Variants in MDN1 observed in about 807,000 individuals in gnomAD.
The protein encoded by MDN1 is midasin.
MDN1 carries 266 observed loss-of-function variants against 669.2 expected under a neutral mutation model. That is an observed-to-expected ratio of 0.40 (90% confidence interval 0.36 to 0.44). The LOEUF is 0.44. Among genes scored for constraint, MDN1 ranks in the 20% least tolerant of loss-of-function variants. MDN1 has a pLI of 1.00. For synonymous variants in MDN1, 2,385 were observed against 2,457.1 expected, an observed-to-expected ratio of 0.97 and a Z score of 0.87; for missense variants, 5,940 against 6,754.0, an observed-to-expected ratio of 0.88 and a Z score of 4.22.
At chr6:89,789,114 A>C (rs1819119477) in intron 7 of MDN1, among the ~76,000 whole-genome samples, 1 of 139,346 alleles carries the variant, frequency 7.2e-6, no homozygotes, top group Admixed American at 7.7e-5. Flanking sequence ...ACAGAGCAAG[A>C]CTCTGTCTCA....
In MDN1 at chr6:89,684,975, G is replaced by A; in HGVS notation, c.11730C>T (p.Cys3910=). Residue 3910 remains cysteine, a synonymous_variant, in exon 71 of 102, where the codon TGC becomes TGT. Coordinates refer to ENST00000369393, the MANE Select transcript of MDN1 (RefSeq NM_014611.3). ...MPQVEGKDSL[C]SVLWNLYHYY... is the part of the protein sequence containing the mutation. ...AATGGTACAAATTCCATAGAACACT[G>A]CAAAGTGAATCTGGAAGAAATGAAA... 5 of 1,608,246 alleles carry A rather than the reference G, an allele frequency of 3.1e-6. No individual in the cohort carries two copies. The highest frequency in any genetic ancestry group is 4.3e-6 in the Non-Finnish European group (5 of 1,175,450).
At chr6:89,671,746 C>T (rs1810786373) in intron 82 of MDN1, among the ~76,000 whole-genome samples, 3 of 152,112 alleles carry the variant, frequency 2.0e-5, no homozygotes, top group African/African-American at 4.8e-5. Flanking sequence ...AAGTTAGCAC[C>T]GGAGGCAATG....
At chr6:89,689,765 T>A in intron 65 of MDN1, 105 bp downstream of exon 65, 1 of 1,335,972 alleles carries the variant, frequency 7.5e-7, no homozygotes, top group South Asian at 1.5e-5. Flanking sequence ...TAAGGAATTA[T>A]GCGAAAACAG....
chr6:89,796,856 G>A (rs1422233427), intron 2 of MDN1, among the ~76,000 whole-genome samples: 39 of 151,292 alleles, frequency 2.6e-4, no homozygotes, highest in Admixed American at 2.3e-3. Context: ...ATCACCTGAG[G>A]TCGGGAGTTC....
In MDN1 at chr6:89,648,034, G is replaced by C. The variant is rs145599918; in HGVS notation, c.16393C>G (p.Gln5465Glu). ...KFQQKKTKIA[Q>E]FLESVANMFA... is the part of the protein sequence containing the mutation. Reference sequence around the variant, plus strand: ...GACATTTTATTTCATCCTCTTACCTGAGCAATCTTGGTTTTCTTTTGTTGG... The same window carrying C: ...GACATTTTATTTCATCCTCTTACCTCAGCAATCTTGGTTTTCTTTTGTTGG... Residue 5465 changes from glutamine (Q) to glutamate (E), a missense_variant and splice_region_variant, in exon 99 of 102, where the codon CAG becomes GAG. Gln to Glu is a conservative substitution (Grantham distance 29). Transcript: ENST00000369393. The C allele has an allele frequency of 3.1e-6, 5 of 1,607,128 alleles. No individual in the cohort carries two copies. Among genetic ancestry groups the C allele is most frequent in the Non-Finnish European group, 4.3e-6 (5 of 1,173,758 alleles).
chr6:89,704,085 AATTCTG>A (rs1813361408), intron 53 of MDN1, among the ~76,000 whole-genome samples: 1 of 152,090 alleles, frequency 6.6e-6, no homozygotes, highest in Non-Finnish European at 1.5e-5. Flanking sequence ...CAAAACTTAG[AATTCTG>A]AAAAACTGGC....
intron 18 of MDN1, 70 bp downstream of exon 18, chr6:89,758,746 C>CA (rs1311237123): frequency 8.5e-6 from 13 of 1,523,628 alleles, no homozygotes; most frequent in Middle Eastern, 1.7e-4. Flanking sequence ...ACAACAACAA[C>CA]AAAAAATCTC....
intron 9 of MDN1, among the ~76,000 whole-genome samples, 163 bp from the exon 10 acceptor site, chr6:89,781,755 C>G (rs539338686): frequency 1.4e-5 from 2 of 141,610 alleles, no homozygotes; most frequent in South Asian, 2.3e-4. Flanking sequence ...CTCTGAGAAA[C>G]CAAGGCAGAG....
In MDN1 at chr6:89,743,278, T is replaced by C. The variant is rs115642571; in HGVS notation, c.4320A>G (p.Glu1440=). ...RPVRQKPNDK[E]EIDTSRLFEW... ...CAAAGAGTCTTGATGTGTCAATTTC[T>C]TCCTATAATTTGAAAAAGTGGGGAA... Residue 1440 remains glutamate (E), a splice_region_variant and synonymous_variant, in exon 31 of 102, where the codon GAA becomes GAG. Transcript: ENST00000369393. 695 of 1,614,020 alleles carry C rather than the reference T, an allele frequency of 4.3e-4. 3 individuals are homozygous for C. The African/African-American group carries it at 8.2e-3, about 19-fold the overall frequency.
rs1768290189 is a variant in MDN1, at chr6:89,810,002, A to AT, written c.103-6449_103-6448insA. 1.4e-4 allele frequency among the ~76,000 whole-genome samples: 15 copies of AT among 107,406 alleles called. No individual in the cohort carries two copies. In the South Asian group the frequency reaches 2.4e-3, roughly 17 times the overall value. The allele number at this position is 107,406 out of a possible 152,430, so 70.5% of individuals were successfully genotyped here. A position where few individuals can be genotyped will look rare whatever the true frequency, so the allele number is the denominator to read the frequency against. Reference sequence around the variant, plus strand: ...TGAGACTCCGTTTCACTAAAAAAAAAAAAAAAAAAAAAAAAAAAAAAAAAT... The same window carrying AT: ...TGAGACTCCGTTTCACTAAAAAAAAATAAAAAAAAAAAAAAAAAAAAAAAAT... On this transcript the variant is annotated intron_variant, in intron 1 of 101. Transcript: ENST00000369393.
At chr6:89,795,049 G>T (rs954089157) in intron 2 of MDN1, among the ~76,000 whole-genome samples, 1 of 152,122 alleles carries the variant, frequency 6.6e-6, no homozygotes, top group Non-Finnish European at 1.5e-5. Context: ...CTACTTAGTC[G>T]TAAAATTGTA....
At chr6:89,737,176 T>C (rs997415358) in intron 33 of MDN1, among the ~76,000 whole-genome samples, 2 of 152,130 alleles carry the variant, frequency 1.3e-5, no homozygotes, top group African/African-American at 4.8e-5. Context: ...TGCGTACCTA[T>C]AAATGTGGCA....
intron 32 of MDN1, among the ~76,000 whole-genome samples, chr6:89,739,812 T>A (rs1346336391): frequency 6.6e-6 from 1 of 152,218 alleles, no homozygotes; most frequent in Non-Finnish European, 1.5e-5. Flanking sequence ...TGGTTGTGAC[T>A]TTTTTGTCAC....
intron 1 of MDN1, among the ~76,000 whole-genome samples, chr6:89,809,618 G>A (rs986454296): frequency 2.6e-5 from 4 of 151,250 alleles, no homozygotes; most frequent in African/African-American, 7.3e-5. Context: ...TCTACTAAAG[G>A]CACAAAAATT....
chr6:89,667,229 G>T (rs1810321797), intron 84 of MDN1, among the ~76,000 whole-genome samples: 1 of 148,308 alleles, frequency 6.7e-6, no homozygotes, highest in Non-Finnish European at 1.5e-5. Context: ...TTAGATTTGA[G>T]AAATACAGAA....
chr6:89,727,347 T>C (rs147302458), intron 37 of MDN1, among the ~76,000 whole-genome samples: 175 of 152,332 alleles, frequency 1.1e-3, no homozygotes, highest in Middle Eastern at 6.8e-3. Context: ...TATCTCTAGT[T>C]GTCAGAGATT....
intron 14 of MDN1, among the ~76,000 whole-genome samples, chr6:89,772,020 T>C (rs960119557): frequency 6.6e-6 from 1 of 152,146 alleles, no homozygotes; most frequent in African/African-American, 2.4e-5. Context: ...AGGTAAATTT[T>C]CAAATGTGCC....
intron 50 of MDN1, among the ~76,000 whole-genome samples, chr6:89,708,980 T>TAA (rs369443893): frequency 0.25 from 36,718 of 144,538 alleles, 5,233 homozygotes; most frequent in South Asian, 0.33. Flanking sequence ...ACCATTAGCT[T>TAA]AAAAAAAAAA....
Position 89,793,933 on chromosome 6 carries a change from C to T in MDN1, c.684G>A (p.Leu228=), listed in dbSNP as rs1819422351. The change falls in exon 5 of 102, where the codon TTG becomes TTA. Residue 228 remains leucine (L), a synonymous_variant. Coordinates refer to ENST00000369393, the MANE Select transcript of MDN1 (RefSeq NM_014611.3). ...FRLRLLEEAQ[L]QDLEKALVLA... is the part of the protein sequence containing the mutation. ...AAACCAAGGCCTTCTCCAAGTCCTG[C>T]AACTGGGCCTCTTCTAATAACCTGA... 3 of 1,613,030 alleles carry T rather than the reference C, an allele frequency of 1.9e-6. No homozygotes were observed. Among genetic ancestry groups the T allele is most frequent in the Non-Finnish European group, 2.5e-6 (3 of 1,179,334 alleles).
Sources: allele counts gnomAD v4.1 joint callset (sites outside exome capture counted in the v4.1 genomes callset), GRCh38; gene constraint gnomAD v4.1.1; transcripts MANE v1.5; gene names NCBI Gene and HGNC (gene_info 2026-07-23, HGNC 2026-07-21).